The following NFIA variants were observed in gnomAD, a reference collection of about 807,000 sequenced individuals.
The protein encoded by NFIA is nuclear factor 1 A-type.
In NFIA, 8 loss-of-function variants were observed where a neutral mutation model predicts 62.8. The ratio of observed to expected loss-of-function variants is 0.13; its 90% CI spans 0.07 to 0.23. The LOEUF is 0.23. Among genes scored for constraint, NFIA ranks in the 10% least tolerant of loss-of-function variants. NFIA has a pLI of 1.00. For synonymous variants in NFIA, 235 were observed against 238.1 expected (o/e 0.99, Z 0.12); for missense variants, 410 against 642.1 (o/e 0.64, Z 3.91).
At chr1:61,317,068 T>A (rs905093845) in intron 3 of NFIA, among the ~76,000 whole-genome samples, 1 of 152,096 alleles carries the variant, frequency 6.6e-6, no homozygotes, top group African/African-American at 2.4e-5. Flanking sequence ...AAAAATAAAA[T>A]CAGATTTCTA....
intron 2 of NFIA, among the ~76,000 whole-genome samples, chr1:61,090,190 A>G (rs906197418): frequency 6.6e-6 from 1 of 152,234 alleles, no homozygotes; most frequent in Non-Finnish European, 1.5e-5. Flanking sequence ...TTTTTAAAAA[A>G]TGTGTCTGCA....
intron 2 of NFIA, among the ~76,000 whole-genome samples, chr1:61,134,278 G>A (rs900351328): frequency 3.5e-5 from 5 of 142,470 alleles, no homozygotes; most frequent in Non-Finnish European, 7.5e-5. Flanking sequence ...GTGTGTGTGT[G>A]TGTGTGTGTA....
chr1:61,140,796 C>G (rs1018935393), intron 2 of NFIA, among the ~76,000 whole-genome samples: 3 of 151,930 alleles, frequency 2.0e-5, no homozygotes, highest in African/African-American at 7.3e-5. Flanking sequence ...ATGGGGCATC[C>G]TGCATTTAGG....
rs140191299 is a variant in NFIA at position 61,217,044 on chromosome 1, C to CT, written c.560-60466dup. Among the ~76,000 whole-genome samples, 753 of 146,790 alleles carry CT rather than the reference C, an allele frequency of 5.1e-3. 2 individuals carry two copies. Among genetic ancestry groups the CT allele is most frequent in the Non-Finnish European group, 8.2e-3 (544 of 66,556 alleles). ...ATTAATAAAAAGGACATTGATTAAA[C>CT]TTTTTTTTTTCTTTTTTCTTTTTTT... On this transcript the variant is annotated intron_variant, in intron 2 of 10. Coordinates refer to ENST00000403491, the MANE Select transcript of NFIA (RefSeq NM_001134673.4).
At chr1:61,147,811 G>C (rs571057494) in intron 2 of NFIA, among the ~76,000 whole-genome samples, 24 of 152,210 alleles carry the variant, frequency 1.6e-4, no homozygotes, top group Non-Finnish European at 2.2e-4. Flanking sequence ...GTTGGATTAA[G>C]AAAAGTAGCT....
intron 3 of NFIA, among the ~76,000 whole-genome samples, chr1:61,295,144 C>T (rs997423930): frequency 2.0e-5 from 3 of 152,160 alleles, no homozygotes; most frequent in Non-Finnish European, 4.4e-5. Context: ...TCCTCATATG[C>T]GCATAGCCAT....
chr1:61,128,915 G>GTTTTTTTTTTTTTTTTTTTTTTTTT (rs10635152), intron 2 of NFIA, among the ~76,000 whole-genome samples: 1 of 74,138 alleles, frequency 1.3e-5, no homozygotes, highest in Non-Finnish European at 2.3e-5. Context: ...GCTTACTTAT[G>GTTTTTTTTTTTTTTTTTTTTTTTTT]TTTTTTTTTT....
chr1:61,280,585 C>A (rs1183624326), intron 3 of NFIA, among the ~76,000 whole-genome samples: 1 of 152,204 alleles, frequency 6.6e-6, no homozygotes, highest in African/African-American at 2.4e-5. Flanking sequence ...TGGTAACACG[C>A]TGTTTCATCC....
intron 2 of NFIA, among the ~76,000 whole-genome samples, chr1:61,163,809 C>T (rs903170988): frequency 2.6e-5 from 4 of 152,204 alleles, no homozygotes; most frequent in African/African-American, 9.6e-5. Flanking sequence ...ATGCTTGGAG[C>T]ATCTAGAGAG....
At chr1:61,369,370 C>T in intron 6 of NFIA, among the ~76,000 whole-genome samples, 1 of 151,566 alleles carries the variant, frequency 6.6e-6, no homozygotes, top group East Asian at 1.9e-4. Context: ...ATTAAATTCA[C>T]CAGAGGGTAG....
chr1:61,233,024 C>T (rs1287818155), intron 2 of NFIA, among the ~76,000 whole-genome samples: 1 of 152,142 alleles, frequency 6.6e-6, no homozygotes, highest in African/African-American at 2.4e-5. Flanking sequence ...AAATTCTAAG[C>T]TCCTAGAGTG....
At chr1:61,398,664 G>T (rs988476094) in intron 7 of NFIA, among the ~76,000 whole-genome samples, 1 of 152,138 alleles carries the variant, frequency 6.6e-6, no homozygotes, top group Non-Finnish European at 1.5e-5. Flanking sequence ...GGCTCACCTC[G>T]AGTCAAAAGC....
intron 3 of NFIA, among the ~76,000 whole-genome samples, chr1:61,315,917 T>A (rs1250614542): frequency 1.3e-5 from 2 of 152,208 alleles, no homozygotes; most frequent in African/African-American, 2.4e-5. Flanking sequence ...TTAGGTACAA[T>A]GATGCTGTCG....
chr1:61,424,051 T>C (rs1666756327), intron 9 of NFIA, among the ~76,000 whole-genome samples: 1 of 152,080 alleles, frequency 6.6e-6, no homozygotes, highest in Admixed American at 6.5e-5. Flanking sequence ...ATTGTTCTTT[T>C]TCTTAAAGAA....
chr1:61,209,954 A>G (rs559988102), intron 2 of NFIA, among the ~76,000 whole-genome samples: 1 of 152,354 alleles, frequency 6.6e-6, no homozygotes, highest in East Asian at 1.9e-4. Context: ...AATAATTAAC[A>G]TTAACATCTT....
Position 61,306,086 on chromosome 1 carries a change from G to A in NFIA, c.626-26426G>A, listed in dbSNP as rs187224681. On this transcript the variant is annotated intron_variant, in intron 3 of 10. Coordinates refer to ENST00000403491, the MANE Select transcript of NFIA (RefSeq NM_001134673.4). ...AGGATGGTCTCAATCTCCTGACCTC[G>A]TGATCCGCCCGCCTTGGCCTCCCAA... Among the ~76,000 whole-genome samples, 1,083 of 151,454 alleles carry A rather than the reference G, an allele frequency of 7.2e-3. 7 individuals carry two copies. The highest frequency in any genetic ancestry group is 9.6e-3 in the Non-Finnish European group (651 of 67,778).
At chr1:61,398,525 T>C (rs1394594977) in intron 7 of NFIA, among the ~76,000 whole-genome samples, 1 of 152,196 alleles carries the variant, frequency 6.6e-6, no homozygotes, top group Admixed American at 6.5e-5. Flanking sequence ...GTAGCAGTAA[T>C]ACAAAAACAC....
intron 2 of NFIA, among the ~76,000 whole-genome samples, chr1:61,109,541 T>G (rs977549967): frequency 6.6e-6 from 1 of 151,874 alleles, no homozygotes; most frequent in African/African-American, 2.4e-5. Flanking sequence ...ATTATTTAAT[T>G]AATTGAAATG....
rs768562273 is a variant in NFIA at position 61,404,201 on chromosome 1, C to T, written c.1173C>T (p.His391=). The T allele has an allele frequency of 3.7e-6, 6 of 1,614,224 alleles. No individual in the cohort carries two copies. In the South Asian group the frequency reaches 5.5e-5, roughly 15 times the overall value. The change falls in exon 8 of 11, where the codon CAC becomes CAT. Residue 391 remains histidine, a synonymous_variant. Coordinates refer to ENST00000403491, the MANE Select transcript of NFIA (RefSeq NM_001134673.4). The part of the protein sequence containing the change: ...PYFSHPAIRY[H]PQETLKEFVQ... ...TCTCACACCCAGCCATCCGCTATCA[C>T]CCTCAGGAGACGCTGAAAGAATTTG...
Sources: gnomAD v4.1 joint callset for allele counts (sites outside exome capture counted in the v4.1 genomes callset) on GRCh38, gnomAD v4.1.1 for gene constraint, MANE v1.5 for transcripts, NCBI Gene and HGNC (gene_info 2026-07-23, HGNC 2026-07-21) for gene names.